Variants in MMP26 observed in about 807,000 individuals in gnomAD.
The protein encoded by MMP26 is matrix metallopeptidase 26.
A neutral mutation model predicts 31.0 loss-of-function variants in MMP26; 33 were observed. That is an observed-to-expected ratio of 1.06 (90% CI 0.81 to 1.42). The LOEUF (loss-of-function observed/expected upper bound fraction) is 1.42. Among genes scored for constraint, MMP26 ranks in the 40% most tolerant of loss-of-function variants. The probability of loss-of-function intolerance (pLI) is 0.00; values close to 1 mark genes in which losing one functional copy is unlikely to be tolerated. For missense variants in MMP26, 347 were observed against 316.1 expected, an observed-to-expected ratio of 1.10 and a Z score of -0.74; for synonymous variants, 122 against 114.9, an observed-to-expected ratio of 1.06 and a Z score of -0.40.
chr11:4,837,758 C>T (rs993717799), intron 2 of MMP26, among the ~76,000 whole-genome samples: 1 of 151,644 alleles, frequency 6.6e-6, no homozygotes, highest in African/African-American at 2.4e-5. Flanking sequence ...TGGATTTGGC[C>T]AGTGTGCAGG....
rs1172425735 is a variant in MMP26, at chr11:4,991,244, G to A, written c.470-127G>A. The A allele has an allele frequency of 2.5e-6, 3 of 1,182,718 alleles. No individual in the cohort carries two copies. In the African/African-American group the frequency reaches 4.5e-5, roughly 18 times the overall value. The allele number at this position is 1,182,718 out of a possible 1,614,324, so 73.3% of individuals were successfully genotyped here. ...ATTTCTCTGCATAGATAATGCCTTAGCTCTCTCACATCCCCCAGTGGTAGA... is the reference window on the plus strand; with the variant it reads ...ATTTCTCTGCATAGATAATGCCTTAACTCTCTCACATCCCCCAGTGGTAGA... On this transcript the variant is annotated intron_variant, in intron 5 of 7. Coordinates refer to ENST00000380390, the MANE Select transcript of MMP26 (RefSeq NM_021801.5).
chr11:4,967,602 G>GT (rs1846613670), intron 2 of MMP26, among the ~76,000 whole-genome samples: 1 of 152,030 alleles, frequency 6.6e-6, no homozygotes, highest in Non-Finnish European at 1.5e-5. Flanking sequence ...GTGTCAGGCT[G>GT]TTTTTTTCCT....
At chr11:4,935,583 A>G (rs1208005553) in intron 2 of MMP26, among the ~76,000 whole-genome samples, 11 of 151,940 alleles carry the variant, frequency 7.2e-5, no homozygotes, top group Non-Finnish European at 1.2e-4. Context: ...TCTCCTGCCT[A>G]ATTGCCCTTG....
intron 2 of MMP26, among the ~76,000 whole-genome samples, chr11:4,933,768 C>T (rs1481938851): frequency 6.8e-6 from 1 of 146,138 alleles, no homozygotes; most frequent in Non-Finnish European, 1.5e-5. Context: ...ATTCCCCTTC[C>T]TGTGTCCATG....
rs1024981762 is a variant in MMP26 at position 4,989,829 on chromosome 11, C to A, written c.281C>A (p.Pro94Gln). 6.2e-7 allele frequency: 1 copy of A among 1,612,026 alleles called. No individual in the cohort carries two copies. Among genetic ancestry groups the A allele is most frequent in the East Asian group, 2.2e-5 (1 of 44,878 alleles). Residue 94 changes from proline to glutamine, a missense_variant, in exon 4 of 8, where the codon CCA (proline) becomes CAA (glutamine). Physicochemically the swap from Pro to Gln is moderately conservative, Grantham distance 76 (BLOSUM62 -1). Transcript: ENST00000380390. ...GATGGGTCCGACACCTCCATCTCGC[C>A]AGGAAGATGCAAGTGGAATAAGCAC... ...VPDGSDTSISPGRCKWNKHTL... is the reference protein window; with the variant it reads ...VPDGSDTSISQGRCKWNKHTL...
At chr11:4,710,453 T>C in intron 1 of MMP26, 1 of 451,548 alleles carries the variant, frequency 2.2e-6, no homozygotes, top group Non-Finnish European at 4.5e-6. Flanking sequence ...TAATCTACAG[T>C]GTAAAGACCA....
At chr11:4,959,161 A>C (rs969789014) in intron 2 of MMP26, among the ~76,000 whole-genome samples, 56 of 149,980 alleles carry the variant, frequency 3.7e-4, no homozygotes, top group African/African-American at 1.2e-3. Context: ...CGGCGTGAAT[A>C]CGGGAGGCGG....
At chr11:4,795,685 A>G (rs904270125) in intron 2 of MMP26, among the ~76,000 whole-genome samples, 3 of 152,238 alleles carry the variant, frequency 2.0e-5, no homozygotes, top group Admixed American at 2.0e-4. Flanking sequence ...TTGTTTCCAC[A>G]TAAAAGTCAA....
chr11:4,731,338 C>T (rs975361483), intron 1 of MMP26, among the ~76,000 whole-genome samples: 3 of 152,182 alleles, frequency 2.0e-5, no homozygotes, highest in South Asian at 4.1e-4. Context: ...GGTGTGGCCT[C>T]GCTGACACTG....
intron 2 of MMP26, among the ~76,000 whole-genome samples, chr11:4,982,632 TTATAA>T (rs1846830105): frequency 6.6e-6 from 1 of 152,190 alleles, no homozygotes; most frequent in African/African-American, 2.4e-5. Context: ...TTGGTTACTC[TTATAA>T]TTACTATTTT....
chr11:4,955,835 T>G, intron 2 of MMP26: 1 of 664,934 alleles, frequency 1.5e-6, no homozygotes. Context: ...AGTGTTAAAA[T>G]TTGTGGCTTC....
chr11:4,868,551 C>G (rs145912584), intron 2 of MMP26, among the ~76,000 whole-genome samples: 220 of 152,256 alleles, frequency 1.4e-3, no homozygotes, highest in Middle Eastern at 0.01. Flanking sequence ...CAAACCACTG[C>G]TCAAGGAAAT....
At chr11:4,808,800 C>T (rs1391359264) in intron 2 of MMP26, among the ~76,000 whole-genome samples, 1 of 150,510 alleles carries the variant, frequency 6.6e-6, no homozygotes, top group African/African-American at 2.5e-5. Context: ...GCAGGGCTGC[C>T]CTGGTATCCA....
intron 2 of MMP26, among the ~76,000 whole-genome samples, chr11:4,855,706 C>A (rs1850040989): frequency 6.6e-6 from 1 of 152,096 alleles, no homozygotes; most frequent in Non-Finnish European, 1.5e-5. Flanking sequence ...CATTCAAATT[C>A]AGGAAATATA....
At chr11:4,749,192 A>T (rs12795771) in intron 1 of MMP26, among the ~76,000 whole-genome samples, 37,398 of 151,900 alleles carry the variant, frequency 0.25, 5,592 homozygotes, top group East Asian at 0.42. Flanking sequence ...CCTCATTTAT[A>T]ATAGCTACAA....
chr11:4,822,318 G>A, intron 2 of MMP26: 3 of 1,506,232 alleles, frequency 2.0e-6, no homozygotes, highest in Non-Finnish European at 2.7e-6. Context: ...TAAAGATTAA[G>A]CAGATTCAAA....
At chr11:4,747,597 A>G (rs1418714307) in intron 1 of MMP26, among the ~76,000 whole-genome samples, 1 of 152,116 alleles carries the variant, frequency 6.6e-6, no homozygotes, top group East Asian at 1.9e-4. Flanking sequence ...GTATATTAAT[A>G]TTTCATTAAA....
chr11:4,925,771 CA>C lies in MMP26; in HGVS notation c.-144-62283del, dbSNP rs11441973. ...AAAACCAAGCCACCACTGTTAACTA[CA>C]AAAAAAAAAAAAATGAAGTAGGACA... On this transcript the variant is annotated intron_variant, in intron 2 of 7. Coordinates refer to ENST00000380390, the MANE Select transcript of MMP26 (RefSeq NM_021801.5). 5.5e-3 allele frequency among the ~76,000 whole-genome samples: 788 copies of C among 142,050 alleles called. 2 individuals are homozygous for C. The highest frequency in any genetic ancestry group is 0.01 in the African/African-American group (395 of 38,664). 93.2% of individuals were successfully genotyped at this position (142,050 alleles called of 152,430 possible).
intron 2 of MMP26, among the ~76,000 whole-genome samples, chr11:4,858,598 C>T (rs1292431585): frequency 6.6e-6 from 1 of 152,178 alleles, no homozygotes; most frequent in East Asian, 1.9e-4. Flanking sequence ...GAAGAACATT[C>T]CATGCTCATG....
Sources: allele counts gnomAD v4.1 joint callset (sites outside exome capture counted in the v4.1 genomes callset), GRCh38; gene constraint gnomAD v4.1.1; transcripts MANE v1.5; gene names NCBI Gene and HGNC (gene_info 2026-07-23, HGNC 2026-07-21).